NRXN3: variants seen among roughly 807,000 people sequenced by gnomAD.
The protein encoded by NRXN3 is neurexin 3, also known as neurexin III.
Under a neutral mutation model 137.6 loss-of-function variants are expected in NRXN3, and 32 were observed. That is an observed-to-expected ratio of 0.23 (90% confidence interval 0.18 to 0.31). NRXN3 has a LOEUF of 0.31. Ranked by LOEUF, NRXN3 falls within the 10% of genes least tolerant of loss-of-function variation. The pLI is 1.00. For missense variants in NRXN3, 1,574 were observed against 2,062.5 expected, an observed-to-expected ratio of 0.76 and a Z score of 4.59; for synonymous variants, 798 against 784.5, an observed-to-expected ratio of 1.02 and a Z score of -0.29.
intron 4 of NRXN3, among the ~76,000 whole-genome samples, chr14:78,552,537 A>C (rs1192182190): frequency 6.6e-6 from 1 of 152,182 alleles, no homozygotes; most frequent in African/African-American, 2.4e-5. Context: ...ATGATGGTGC[A>C]CGCCTGTAGC....
chr14:78,884,434 C>T (rs922977400), intron 10 of NRXN3, among the ~76,000 whole-genome samples: 1 of 152,074 alleles, frequency 6.6e-6, no homozygotes, highest in Non-Finnish European at 1.5e-5. Flanking sequence ...GTTTTTGTAA[C>T]CCTTCCAACT....
At chr14:78,855,175 A>C (rs955759499) in intron 10 of NRXN3, among the ~76,000 whole-genome samples, 6 of 149,536 alleles carry the variant, frequency 4.0e-5, no homozygotes, top group African/African-American at 1.2e-4. Flanking sequence ...AAAAAAAAAA[A>C]CATACAAAAA....
Position 78,890,730 on chromosome 14 carries a change from A to G in NRXN3, c.2276-66512A>G, listed in dbSNP as rs563924312. 5.7e-4 allele frequency among the ~76,000 whole-genome samples: 87 copies of G among 152,088 alleles called. 1 individual carries two copies. The highest frequency in any genetic ancestry group is 1.9e-3 in the African/African-American group (80 of 41,538). ...AGATCCCACTGATGGTGATAGAGTAAATCAAGGAATTTGGAAGAAGTGGTA... is the reference window on the plus strand; with the variant it reads ...AGATCCCACTGATGGTGATAGAGTAGATCAAGGAATTTGGAAGAAGTGGTA... On this transcript the variant is annotated intron_variant, in intron 10 of 20. Coordinates refer to ENST00000335750, the MANE Select transcript of NRXN3 (RefSeq NM_001330195.2).
chr14:79,042,723 G>A (rs1187998658), intron 15 of NRXN3, among the ~76,000 whole-genome samples: 1 of 152,160 alleles, frequency 6.6e-6, no homozygotes, highest in African/African-American at 2.4e-5. Flanking sequence ...AATAGGAAAG[G>A]TATGGCAAGT....
rs370757098 is a variant in NRXN3 at position 78,562,686 on chromosome 14, G to C, written c.758-82434G>C. ...GCTACAATGGACTGTAACCACATGA[G>C]AGGTTCCAAGATTAAACCACTCAAT... On this transcript the variant is annotated intron_variant, in intron 4 of 20. Coordinates refer to ENST00000335750, the MANE Select transcript of NRXN3 (RefSeq NM_001330195.2). 5.3e-5 allele frequency among the ~76,000 whole-genome samples: 8 copies of C among 152,290 alleles called. No individual in the cohort carries two copies. The East Asian group carries it at 1.4e-3, about 26-fold the overall frequency.
At chr14:78,339,242 A>G (rs574055426) in intron 4 of NRXN3, among the ~76,000 whole-genome samples, 4 of 152,320 alleles carry the variant, frequency 2.6e-5, no homozygotes, top group Non-Finnish European at 5.9e-5. Flanking sequence ...ATATTTTCGC[A>G]TGGGAGCAGG....
At chr14:78,668,617 C>G (rs1024365615) in intron 6 of NRXN3, among the ~76,000 whole-genome samples, 6 of 152,118 alleles carry the variant, frequency 3.9e-5, no homozygotes, top group Non-Finnish European at 8.8e-5. Flanking sequence ...GACAGCCCTT[C>G]GGTGACAAGG....
chr14:79,332,398 C>G (rs2091819839), intron 15 of NRXN3, among the ~76,000 whole-genome samples: 1 of 152,184 alleles, frequency 6.6e-6, no homozygotes, highest in Non-Finnish European at 1.5e-5. Flanking sequence ...CCAGTATGCA[C>G]CGGTAGTTCC....
intron 4 of NRXN3, among the ~76,000 whole-genome samples, chr14:78,591,157 T>C (rs1329760359): frequency 1.3e-5 from 2 of 152,216 alleles, no homozygotes; most frequent in Admixed American, 6.5e-5. Context: ...AGGCCATTTC[T>C]GAGCAGGATG....
intron 19 of NRXN3, among the ~76,000 whole-genome samples, chr14:79,750,131 G>T (rs923660073): frequency 6.6e-6 from 1 of 152,068 alleles, no homozygotes; most frequent in African/African-American, 2.4e-5. Flanking sequence ...AGCAGAGAAG[G>T]ACTGGATTAG....
intron 15 of NRXN3, among the ~76,000 whole-genome samples, chr14:79,298,312 C>T (rs2084542695): frequency 6.6e-6 from 1 of 152,076 alleles, no homozygotes; most frequent in South Asian, 2.1e-4. Flanking sequence ...GCACCCACTT[C>T]AGATAATAAA....
chr14:79,143,712 C>T (rs2059030646), intron 15 of NRXN3, among the ~76,000 whole-genome samples: 2 of 152,166 alleles, frequency 1.3e-5, no homozygotes, highest in South Asian at 4.1e-4. Context: ...AGGGAAATTA[C>T]CTTCCATTTT....
At chr14:78,973,223 C>T (rs1229483349) in intron 14 of NRXN3, among the ~76,000 whole-genome samples, 1 of 152,092 alleles carries the variant, frequency 6.6e-6, no homozygotes, top group Non-Finnish European at 1.5e-5. Flanking sequence ...ATGATAAATA[C>T]CTCTCCAAGT....
chr14:79,325,354 C>G (rs1191368127), intron 15 of NRXN3, among the ~76,000 whole-genome samples: 1 of 152,108 alleles, frequency 6.6e-6, no homozygotes, highest in African/African-American at 2.4e-5. Context: ...CCCACACTTG[C>G]CTCACATGTT....
chr14:78,498,563 A>C (rs1359209206), intron 4 of NRXN3, among the ~76,000 whole-genome samples: 3 of 152,140 alleles, frequency 2.0e-5, no homozygotes, highest in Non-Finnish European at 2.9e-5. Context: ...GGGTAGGGAT[A>C]ATAAATGTTT....
intron 4 of NRXN3, among the ~76,000 whole-genome samples, chr14:78,308,670 T>A (rs975391799): frequency 6.6e-6 from 1 of 152,036 alleles, no homozygotes; most frequent in Non-Finnish European, 1.5e-5. Context: ...GATCTATTAT[T>A]GAAATGAGAG....
chr14:79,332,644 C>G (rs1369853638), intron 15 of NRXN3, among the ~76,000 whole-genome samples: 2 of 152,310 alleles, frequency 1.3e-5, no homozygotes, highest in African/African-American at 4.8e-5. Context: ...ATTTCTTCTT[C>G]TGGGTTTTCC....
intron 4 of NRXN3, among the ~76,000 whole-genome samples, chr14:78,485,285 A>G (rs1343571394): frequency 6.6e-6 from 1 of 152,232 alleles, no homozygotes; most frequent in African/African-American, 2.4e-5. Context: ...CTGGAGGAAG[A>G]AAAAGGGATA....
At chr14:79,837,462 G>C (rs2099346460) in intron 20 of NRXN3, among the ~76,000 whole-genome samples, 1 of 152,124 alleles carries the variant, frequency 6.6e-6, no homozygotes, top group Non-Finnish European at 1.5e-5. Context: ...CTTTCTGGAA[G>C]CTTTGCTTGT....
Sources: allele counts gnomAD v4.1 joint callset (sites outside exome capture counted in the v4.1 genomes callset), GRCh38; gene constraint gnomAD v4.1.1; transcripts MANE v1.5; gene names NCBI Gene and HGNC (gene_info 2026-07-23, HGNC 2026-07-21).